DNM3: variants seen among roughly 807,000 people sequenced by gnomAD.
DNM3 encodes the protein dynamin 3, also known as dynamin-3.
A neutral mutation model predicts 101.6 loss-of-function variants in DNM3; 47 were observed. The ratio of observed to expected loss-of-function variants is 0.46; its 90% CI spans 0.37 to 0.59. The LOEUF is 0.59. Among genes scored for constraint, DNM3 ranks in the 20% least tolerant of loss-of-function variants. The pLI is 0.00. For missense variants in DNM3, 849 were observed against 1,085.7 expected (o/e 0.78, Z 3.06); for synonymous variants, 385 against 387.9 (o/e 0.99, Z 0.09).
intron 15 of DNM3, among the ~76,000 whole-genome samples, chr1:172,277,421 G>T (rs1363324045): frequency 6.6e-6 from 1 of 151,998 alleles, no homozygotes; most frequent in Non-Finnish European, 1.5e-5. Flanking sequence ...TAAATTTAGA[G>T]GAAAATGGTC....
At chr1:172,166,310 A>G (rs538986925) in intron 14 of DNM3, among the ~76,000 whole-genome samples, 4 of 152,226 alleles carry the variant, frequency 2.6e-5, no homozygotes, top group African/African-American at 9.6e-5. Context: ...CTTTCAAACA[A>G]AATACATTCT....
At chr1:172,048,899 G>T in intron 10 of DNM3, 149 bp downstream of exon 10, 1 of 943,982 alleles carries the variant, frequency 1.1e-6, no homozygotes, top group Non-Finnish European at 1.6e-6. Context: ...GTACTGAGTG[G>T]GAATTGCTTT....
intron 2 of DNM3, among the ~76,000 whole-genome samples, chr1:171,984,772 G>T (rs551408335): frequency 6.6e-6 from 1 of 152,308 alleles, no homozygotes; most frequent in South Asian, 2.1e-4. Context: ...TTCTTGGCAA[G>T]TAGAGTGATC....
intron 14 of DNM3, among the ~76,000 whole-genome samples, chr1:172,182,139 G>A (rs900836588): frequency 1.4e-4 from 21 of 151,202 alleles, no homozygotes; most frequent in South Asian, 1.0e-3. Context: ...AAGCTGGGAC[G>A]TGAAGTCTGG....
At chr1:172,344,903 A>G (rs1282247459) in intron 17 of DNM3, among the ~76,000 whole-genome samples, 1 of 152,250 alleles carries the variant, frequency 6.6e-6, no homozygotes, top group Non-Finnish European at 1.5e-5. Flanking sequence ...CTCACAAAAA[A>G]AATCACAAAA....
Position 171,899,758 on chromosome 1 carries a change from C to T in DNM3, c.162-21990C>T, listed in dbSNP as rs148695483. ...AATTAGACATGGTTCCTGCTTTTTA[C>T]GGGTTGACAGTCTGGTTGGGAAGAT... is the stretch of plus-strand genomic sequence containing the variant. On this transcript the variant is annotated intron_variant, in intron 1 of 20. Transcript: ENST00000627582. Among the ~76,000 whole-genome samples the T allele has an allele frequency of 2.0e-3, 307 of 152,214 alleles. 3 individuals are homozygous for T. Among genetic ancestry groups the T allele is most frequent in the African/African-American group, 7.1e-3 (296 of 41,534 alleles).
intron 2 of DNM3, among the ~76,000 whole-genome samples, chr1:171,935,553 G>A (rs1042020347): frequency 7.9e-5 from 12 of 152,128 alleles, no homozygotes; most frequent in Admixed American, 7.9e-4. Flanking sequence ...TCATGAGCAA[G>A]GGAGCAGGAG....
chr1:172,234,967 A>C (rs1276920543), intron 14 of DNM3, among the ~76,000 whole-genome samples: 1 of 152,218 alleles, frequency 6.6e-6, no homozygotes, highest in Non-Finnish European at 1.5e-5. Flanking sequence ...AAAACACCAA[A>C]AGCAATGGCA....
At chr1:172,273,379 A>G (rs2148756474) in intron 15 of DNM3, among the ~76,000 whole-genome samples, 2 of 152,168 alleles carry the variant, frequency 1.3e-5, no homozygotes, top group South Asian at 4.1e-4. Context: ...GAACTACTAA[A>G]TCCTAAAATA....
intron 14 of DNM3, among the ~76,000 whole-genome samples, chr1:172,165,934 G>A (rs994726448): frequency 1.3e-5 from 2 of 151,682 alleles, no homozygotes; most frequent in East Asian, 3.9e-4. Flanking sequence ...TTTGTGCCAG[G>A]CACTGTGCTG....
intron 11 of DNM3, among the ~76,000 whole-genome samples, chr1:172,072,653 C>T (rs2052294106): frequency 6.6e-6 from 1 of 152,158 alleles, no homozygotes; most frequent in Non-Finnish European, 1.5e-5. Context: ...TTTGGGAGGC[C>T]AAGGTGGGTG....
At chr1:172,258,976 A>T (rs889814559) in intron 15 of DNM3, among the ~76,000 whole-genome samples, 3 of 151,756 alleles carry the variant, frequency 2.0e-5, no homozygotes, top group African/African-American at 7.3e-5. Flanking sequence ...AGAAATTTTT[A>T]AATTTTCTCC....
At chr1:172,041,988 A>G (rs775250101) in intron 7 of DNM3, 21 bp from the exon 8 acceptor site, 5 of 1,562,028 alleles carry the variant, frequency 3.2e-6, no homozygotes, top group East Asian at 2.3e-5. Context: ...ACTTGAATCT[A>G]TTTCTCTTTA....
At chr1:171,908,244 A>G (rs754323794) in intron 1 of DNM3, among the ~76,000 whole-genome samples, 18 of 152,174 alleles carry the variant, frequency 1.2e-4, no homozygotes, top group Non-Finnish European at 2.4e-4. Flanking sequence ...TAAGATATGA[A>G]TTTTTTGCAT....
chr1:172,150,774 G>C (rs2058097070), intron 14 of DNM3, among the ~76,000 whole-genome samples: 1 of 152,190 alleles, frequency 6.6e-6, no homozygotes, highest in African/African-American at 2.4e-5. Context: ...CTCTAAAACA[G>C]GGTTTTCTGA....
intron 4 of DNM3, among the ~76,000 whole-genome samples, chr1:172,009,038 A>ATTATATG: frequency 7.6e-6 from 1 of 131,606 alleles, no homozygotes; most frequent in Middle Eastern, 4.3e-3. Flanking sequence ...TATACAATAT[A>ATTATATG]TATTTATATA....
intron 2 of DNM3, among the ~76,000 whole-genome samples, chr1:171,964,110 C>T (rs1377542888): frequency 6.6e-6 from 1 of 152,206 alleles, no homozygotes; most frequent in African/African-American, 2.4e-5. Context: ...TATTTTACCC[C>T]AAAATATATT....
At chr1:172,223,716 C>A (rs1464265071) in intron 14 of DNM3, among the ~76,000 whole-genome samples, 1 of 152,114 alleles carries the variant, frequency 6.6e-6, no homozygotes, top group Non-Finnish European at 1.5e-5. Flanking sequence ...AATACATATA[C>A]TCTTCTATTC....
chr1:172,276,853 CTA>C (rs1232658616), intron 15 of DNM3, among the ~76,000 whole-genome samples: 1 of 151,948 alleles, frequency 6.6e-6, no homozygotes, highest in Non-Finnish European at 1.5e-5. Context: ...CCTTACAACT[CTA>C]TGAGTTGTTT....
Sources: allele counts gnomAD v4.1 joint callset (sites outside exome capture counted in the v4.1 genomes callset), GRCh38; gene constraint gnomAD v4.1.1; transcripts MANE v1.5; gene names NCBI Gene and HGNC (gene_info 2026-07-23, HGNC 2026-07-21).